Variants in NELL1 observed in about 807,000 individuals in gnomAD.
The protein encoded by NELL1 is neural EGFL like 1, also known as protein kinase C-binding protein NELL1.
In NELL1, 76 loss-of-function variants were observed where a neutral mutation model predicts 107.4. The ratio of observed to expected loss-of-function variants is 0.71; its 90% CI spans 0.59 to 0.86. NELL1 has a LOEUF of 0.86. NELL1 is among the 40% of genes least tolerant of loss of function. NELL1 has a pLI of 0.00. For missense variants in NELL1, 1,024 were observed against 1,005.5 expected (o/e 1.02, Z -0.25); for synonymous variants, 353 against 341.2 (o/e 1.03, Z -0.38).
chr11:20,999,371 C>G (rs1461272695), intron 12 of NELL1, among the ~76,000 whole-genome samples: 3 of 152,170 alleles, frequency 2.0e-5, no homozygotes, highest in African/African-American at 7.2e-5. Flanking sequence ...GTTCTACATG[C>G]TAGTTCTTAG....
chr11:21,446,296 C>T (rs1853425736), intron 15 of NELL1, among the ~76,000 whole-genome samples: 1 of 152,108 alleles, frequency 6.6e-6, no homozygotes, highest in Non-Finnish European at 1.5e-5. Context: ...TTTGAATTTT[C>T]TGTCAGAAAG....
At chr11:21,353,251 C>G (rs1850857556) in intron 14 of NELL1, among the ~76,000 whole-genome samples, 1 of 152,158 alleles carries the variant, frequency 6.6e-6, no homozygotes. Context: ...GGCTATAGAA[C>G]TTGCTACTGG....
intron 13 of NELL1, among the ~76,000 whole-genome samples, chr11:21,179,500 G>T (rs538104479): frequency 6.6e-6 from 1 of 151,954 alleles, no homozygotes; most frequent in South Asian, 2.1e-4. Context: ...TGTGATAGCA[G>T]GTGAGCACAG....
At chr11:20,897,958 T>C (rs1849785621) in intron 5 of NELL1, among the ~76,000 whole-genome samples, 1 of 152,148 alleles carries the variant, frequency 6.6e-6, no homozygotes, top group African/African-American at 2.4e-5. Context: ...GGGAACACTT[T>C]TACACTGTTG....
At chr11:21,539,357 A>G (rs2133976479) in intron 16 of NELL1, among the ~76,000 whole-genome samples, 1 of 152,168 alleles carries the variant, frequency 6.6e-6, no homozygotes, top group African/African-American at 2.4e-5. Flanking sequence ...TAAATGGCTC[A>G]TTGTACCCTC....
At chr11:21,132,752 C>G (rs1855652343) in intron 13 of NELL1, among the ~76,000 whole-genome samples, 2 of 151,952 alleles carry the variant, frequency 1.3e-5, no homozygotes, top group African/African-American at 4.8e-5. Flanking sequence ...GCTCTTCTTT[C>G]CTTCTTGACA....
At chr11:21,563,082 C>T (rs1358273209) in intron 17 of NELL1, among the ~76,000 whole-genome samples, 4 of 152,044 alleles carry the variant, frequency 2.6e-5, no homozygotes, top group Admixed American at 2.6e-4. Context: ...TGCTGCACAG[C>T]TTAAAACTTA....
intron 12 of NELL1, among the ~76,000 whole-genome samples, chr11:21,088,287 C>T (rs1854445489): frequency 6.6e-6 from 1 of 152,106 alleles, no homozygotes; most frequent in Non-Finnish European, 1.5e-5. Context: ...CTGATATTGA[C>T]AGAGTGCCTC....
intron 13 of NELL1, among the ~76,000 whole-genome samples, chr11:21,138,560 G>C (rs968827192): frequency 1.3e-5 from 2 of 152,150 alleles, no homozygotes; most frequent in African/African-American, 4.8e-5. Context: ...CCCCTACCTT[G>C]CTGGAAAAAT....
chr11:21,036,753 C>T (rs1853102807), intron 12 of NELL1, among the ~76,000 whole-genome samples: 1 of 152,042 alleles, frequency 6.6e-6, no homozygotes, highest in Admixed American at 6.6e-5. Flanking sequence ...CACACTCACA[C>T]ACACAAACAC....
intron 2 of NELL1, among the ~76,000 whole-genome samples, chr11:20,726,510 T>C (rs1855512214): frequency 6.6e-6 from 1 of 152,092 alleles, no homozygotes. Flanking sequence ...TTTACACAAG[T>C]TGAACCCCAC....
chr11:21,308,738 C>T (rs1007397212), intron 14 of NELL1, among the ~76,000 whole-genome samples: 3 of 151,976 alleles, frequency 2.0e-5, no homozygotes, highest in Non-Finnish European at 4.4e-5. Flanking sequence ...GAAACCATTT[C>T]CTTATTACAT....
At chr11:21,232,383 T>G in intron 14 of NELL1, among the ~76,000 whole-genome samples, 1 of 151,492 alleles carries the variant, frequency 6.6e-6, no homozygotes, top group East Asian at 1.9e-4. Context: ...TCTAACAGTA[T>G]TATTGCATAG....
At chr11:20,919,722 G>A (rs1474662154) in intron 7 of NELL1, among the ~76,000 whole-genome samples, 2 of 152,124 alleles carry the variant, frequency 1.3e-5, no homozygotes, top group Non-Finnish European at 2.9e-5. Context: ...GTAATCGGAA[G>A]GGGCAAAATA....
chr11:20,786,175 C>A (rs940377602), intron 3 of NELL1, among the ~76,000 whole-genome samples: 3 of 151,462 alleles, frequency 2.0e-5, no homozygotes, highest in African/African-American at 7.3e-5. Flanking sequence ...CATGGTGAAA[C>A]CCCGTCTCCA....
At chr11:21,544,825 GGAATTTA>G in intron 16 of NELL1, among the ~76,000 whole-genome samples, 2 of 151,576 alleles carry the variant, frequency 1.3e-5, no homozygotes, top group African/African-American at 2.4e-5. Flanking sequence ...TCCTATTCTA[GGAATTTA>G]TAGAAAACCT....
chr11:21,089,658 A>C (rs1854477440), intron 12 of NELL1, among the ~76,000 whole-genome samples: 1 of 152,216 alleles, frequency 6.6e-6, no homozygotes, highest in African/African-American at 2.4e-5. Context: ...AGATATCAGA[A>C]AGGAGAGTAA....
intron 12 of NELL1, among the ~76,000 whole-genome samples, chr11:21,010,790 C>T (rs576320783): frequency 4.6e-5 from 7 of 152,196 alleles, no homozygotes; most frequent in African/African-American, 1.7e-4. Context: ...TACTCCCTTT[C>T]CCTGCCCCAG....
intron 11 of NELL1, among the ~76,000 whole-genome samples, chr11:20,957,065 C>T (rs1411192917): frequency 1.3e-5 from 2 of 152,044 alleles, no homozygotes; most frequent in Non-Finnish European, 2.9e-5. Context: ...GTGGAGTTGA[C>T]GTTTGCCCTG....
Sources: allele counts gnomAD v4.1 joint callset (sites outside exome capture counted in the v4.1 genomes callset), GRCh38; gene constraint gnomAD v4.1.1; transcripts MANE v1.5; gene names NCBI Gene and HGNC (gene_info 2026-07-23, HGNC 2026-07-21).